Variants in MARCHF1 observed in about 807,000 individuals in gnomAD.
MARCHF1 encodes the protein E3 ubiquitin-protein ligase MARCHF1.
In MARCHF1, 40 loss-of-function variants were observed where a neutral mutation model predicts 54.2. That is an observed-to-expected ratio of 0.74 (90% confidence interval 0.57 to 0.96). The LOEUF (loss-of-function observed/expected upper bound fraction) is 0.96. MARCHF1 is among the 40% of genes least tolerant of loss of function. The pLI is 0.00. For missense variants in MARCHF1, 586 were observed against 656.5 expected (o/e 0.89, Z 1.17); for synonymous variants, 236 against 236.3 (o/e 1.00, Z 0.01).
chr4:164,225,025 G>C (rs1029994883), intron 1 of MARCHF1, among the ~76,000 whole-genome samples: 1 of 151,938 alleles, frequency 6.6e-6, no homozygotes, highest in Non-Finnish European at 1.5e-5. Flanking sequence ...TTGTCACTAA[G>C]ACTTCCCTAA....
At chr4:163,822,205 T>TTAATGAACA (rs1339967781) in intron 4 of MARCHF1, among the ~76,000 whole-genome samples, 1 of 151,924 alleles carries the variant, frequency 6.6e-6, no homozygotes, top group Non-Finnish European at 1.5e-5. Context: ...ATACTTTTTT[T>TTAATGAACA]TAATGAACAT....
At chr4:164,093,935 T>C (rs1452840097) in intron 2 of MARCHF1, among the ~76,000 whole-genome samples, 1 of 152,156 alleles carries the variant, frequency 6.6e-6, no homozygotes, top group Non-Finnish European at 1.5e-5. Flanking sequence ...ACTGTTATAA[T>C]CAATATAATA....
At chr4:164,017,090 T>C (rs919361349) in intron 2 of MARCHF1, among the ~76,000 whole-genome samples, 1 of 151,834 alleles carries the variant, frequency 6.6e-6, no homozygotes, top group African/African-American at 2.4e-5. Context: ...ATAAGCAAAA[T>C]TGGTTTAACA....
At chr4:164,219,292 A>G (rs1401796110) in intron 1 of MARCHF1, among the ~76,000 whole-genome samples, 1 of 152,196 alleles carries the variant, frequency 6.6e-6, no homozygotes, top group Non-Finnish European at 1.5e-5. Flanking sequence ...TCATTAATAA[A>G]CAAAATGTAT....
At chr4:163,546,723 G>A (rs1738921586) in intron 8 of MARCHF1, among the ~76,000 whole-genome samples, 1 of 152,122 alleles carries the variant, frequency 6.6e-6, no homozygotes, top group Admixed American at 6.5e-5. Flanking sequence ...TGTGACGACC[G>A]CTGTCCTTTA....
At chr4:163,942,851 A>C (rs1218968895) in intron 3 of MARCHF1, among the ~76,000 whole-genome samples, 1 of 151,860 alleles carries the variant, frequency 6.6e-6, no homozygotes, top group Admixed American at 6.6e-5. Context: ...TCTCTTACTC[A>C]TTAGTTTCTT....
intron 2 of MARCHF1, among the ~76,000 whole-genome samples, chr4:164,030,403 G>T (rs1466775999): frequency 6.6e-6 from 1 of 152,072 alleles, no homozygotes; most frequent in Admixed American, 6.6e-5. Context: ...CATAAATTCT[G>T]TCAGGACAGA....
At chr4:164,306,487 C>A (rs577304787) in intron 1 of MARCHF1, among the ~76,000 whole-genome samples, 1 of 152,088 alleles carries the variant, frequency 6.6e-6, no homozygotes, top group South Asian at 2.1e-4. Context: ...AATTCAACTT[C>A]GAATCATTTT....
At chr4:163,888,467 C>T (rs552141496) in intron 3 of MARCHF1, among the ~76,000 whole-genome samples, 2 of 152,236 alleles carry the variant, frequency 1.3e-5, no homozygotes, top group South Asian at 2.1e-4. Context: ...ACTTAATGCC[C>T]CTGCTTTGAG....
intron 3 of MARCHF1, among the ~76,000 whole-genome samples, chr4:163,901,211 CTTTT>C (rs1474223923): frequency 6.6e-6 from 1 of 152,154 alleles, no homozygotes; most frequent in Admixed American, 6.6e-5. Flanking sequence ...AGAATCTCAC[CTTTT>C]TTTCTCTGTC....
intron 2 of MARCHF1, among the ~76,000 whole-genome samples, chr4:164,057,239 C>T (rs1754513421): frequency 6.6e-6 from 1 of 152,084 alleles, no homozygotes; most frequent in Non-Finnish European, 1.5e-5. Context: ...TACTGCAGTA[C>T]CTTGAATGAA....
intron 3 of MARCHF1, among the ~76,000 whole-genome samples, chr4:163,947,479 C>A (rs369361436): frequency 6.6e-6 from 1 of 152,114 alleles, no homozygotes; most frequent in Non-Finnish European, 1.5e-5. Context: ...GATATAATCA[C>A]AGGGTCCACA....
intron 1 of MARCHF1, among the ~76,000 whole-genome samples, chr4:164,248,218 C>G (rs1190704512): frequency 6.6e-6 from 1 of 151,902 alleles, no homozygotes; most frequent in East Asian, 1.9e-4. Context: ...CCAATATTCT[C>G]GAGCTGGTTA....
At chr4:164,017,551 A>G (rs919440709) in intron 2 of MARCHF1, among the ~76,000 whole-genome samples, 2 of 151,978 alleles carry the variant, frequency 1.3e-5, no homozygotes, top group Admixed American at 6.6e-5. Flanking sequence ...ATAATTTTCC[A>G]AAACACCATT....
chr4:163,555,941 A>G (rs777311824), intron 8 of MARCHF1: 2 of 456,094 alleles, frequency 4.4e-6, no homozygotes, highest in Non-Finnish European at 8.8e-6. Flanking sequence ...CGTTTAGGAG[A>G]CAGTGCTCGT....
intron 2 of MARCHF1, among the ~76,000 whole-genome samples, chr4:164,111,235 A>G (rs1195720633): frequency 1.3e-5 from 2 of 151,762 alleles, no homozygotes; most frequent in Non-Finnish European, 3.0e-5. Context: ...AGGTAAAATC[A>G]AATGTATTTG....
chr4:163,826,914 C>T (rs769278713), intron 4 of MARCHF1, among the ~76,000 whole-genome samples: 2 of 151,926 alleles, frequency 1.3e-5, no homozygotes, highest in Non-Finnish European at 2.9e-5. Context: ...ATCTGACTTA[C>T]AAATGACAAT....
intron 5 of MARCHF1, among the ~76,000 whole-genome samples, chr4:163,681,415 A>G (rs1744098614): frequency 6.6e-6 from 1 of 152,152 alleles, no homozygotes; most frequent in South Asian, 2.1e-4. Context: ...CCTAGGGGTG[A>G]TAGTCACATC....
At chr4:163,867,012 T>C (rs1462485051) in intron 3 of MARCHF1, among the ~76,000 whole-genome samples, 2 of 151,906 alleles carry the variant, frequency 1.3e-5, no homozygotes, top group African/African-American at 4.8e-5. Flanking sequence ...CTAGACATGA[T>C]TGAATCATCA....
Sources: allele counts gnomAD v4.1 joint callset (sites outside exome capture counted in the v4.1 genomes callset), GRCh38; gene constraint gnomAD v4.1.1; transcripts MANE v1.5; gene names NCBI Gene and HGNC (gene_info 2026-07-23, HGNC 2026-07-21).